Variants in GSE1 observed in about 807,000 individuals in gnomAD.
GSE1 encodes Gse1 coiled-coil protein.
In GSE1, 32 loss-of-function variants were observed where a neutral mutation model predicts 112.6. That is an observed-to-expected ratio of 0.28 (90% CI 0.21 to 0.38). The LOEUF (loss-of-function observed/expected upper bound fraction) is 0.38. Ranked by LOEUF, GSE1 falls within the 10% of genes least tolerant of loss-of-function variation. The pLI, the probability that GSE1 is intolerant of heterozygous loss-of-function variation, is 1.00. For synonymous variants in GSE1, 1,115 were observed against 735.6 expected (o/e 1.52, Z -8.35); for missense variants, 2,348 against 1,699.2 (o/e 1.38, Z -6.71).
At chr16:85,426,485 G>C (rs1254318055) in intron 2 of GSE1, among the ~76,000 whole-genome samples, 1 of 134,138 alleles carries the variant, frequency 7.5e-6, no homozygotes, top group African/African-American at 2.9e-5. Flanking sequence ...AGGGAGGGTA[G>C]ATGTGTATAT....
intron 1 of GSE1, among the ~76,000 whole-genome samples, chr16:85,327,041 T>G (rs532094339): frequency 4.6e-5 from 7 of 152,346 alleles, no homozygotes; most frequent in Non-Finnish European, 7.4e-5. Context: ...GAGCATCTAC[T>G]TCCAAGACAG....
At chr16:85,622,908 C>A (rs1200425895) in intron 1 of GSE1, among the ~76,000 whole-genome samples, 2 of 152,152 alleles carry the variant, frequency 1.3e-5, no homozygotes. Flanking sequence ...GTTGCTCAGA[C>A]CTGCATGTAC....
chr16:85,521,301 C>T (rs1196933183), intron 2 of GSE1, among the ~76,000 whole-genome samples: 2 of 152,178 alleles, frequency 1.3e-5, no homozygotes, highest in East Asian at 3.9e-4. Context: ...TGTACTTAAA[C>T]CTCACCTCGC....
intron 1 of GSE1, among the ~76,000 whole-genome samples, chr16:85,633,437 G>T (rs1195387956): frequency 6.6e-6 from 1 of 152,252 alleles, no homozygotes; most frequent in East Asian, 1.9e-4. Context: ...CTGGCATCGT[G>T]TGCTTGTCGC....
intron 1 of GSE1, among the ~76,000 whole-genome samples, chr16:85,308,589 A>G (rs1290092092): frequency 1.3e-5 from 2 of 152,080 alleles, no homozygotes; most frequent in East Asian, 1.9e-4. Flanking sequence ...CTTCTCATCT[A>G]TTTATTAAAA....
At chr16:85,250,459 G>A (rs8060007) in intron 1 of GSE1, among the ~76,000 whole-genome samples, 16,648 of 152,088 alleles carry the variant, frequency 0.11, 1,042 homozygotes, top group South Asian at 0.18. Flanking sequence ...GGGCGGAGGC[G>A]CCAGGGCCAG....
chr16:85,266,795 T>C (rs1908291431), intron 1 of GSE1, among the ~76,000 whole-genome samples: 1 of 152,146 alleles, frequency 6.6e-6, no homozygotes, highest in Admixed American at 6.5e-5. Context: ...TTGCAGGTAC[T>C]GATCTTATGT....
At chr16:85,172,389 T>TA (rs1461909627) in intron 1 of GSE1, among the ~76,000 whole-genome samples, 6 of 152,208 alleles carry the variant, frequency 3.9e-5, no homozygotes, top group African/African-American at 1.4e-4. Flanking sequence ...GACAGTGGCC[T>TA]AAACAGACTT....
chr16:85,501,955 G>A (rs1322541550), intron 2 of GSE1, among the ~76,000 whole-genome samples: 1 of 152,236 alleles, frequency 6.6e-6, no homozygotes, highest in Admixed American at 6.5e-5. Flanking sequence ...ATTTTGTTGG[G>A]GGGCAGGGTT....
intron 3 of GSE1, among the ~76,000 whole-genome samples, chr16:85,653,895 C>T (rs918877111): frequency 1.3e-5 from 2 of 152,166 alleles, no homozygotes; most frequent in Non-Finnish European, 2.9e-5. Flanking sequence ...TGTCTGCTTC[C>T]CCGGGTGTGT....
chr16:85,608,744 T>C (rs1277314685), upstream of GSE1, among the ~76,000 whole-genome samples: 1 of 152,242 alleles, frequency 6.6e-6, no homozygotes, highest in East Asian at 1.9e-4. Context: ...TCCAGTGACA[T>C]GCGCTGAGCA....
intron 1 of GSE1, among the ~76,000 whole-genome samples, chr16:85,576,708 A>T (rs2046241861): frequency 6.6e-6 from 1 of 152,150 alleles, no homozygotes; most frequent in Non-Finnish European, 1.5e-5. Context: ...TTTCTTTCCC[A>T]AGTGTCCAGG....
Position 85,279,259 on chromosome 16 carries a change from A to T in GSE1, c.2284-78204A>T, listed in dbSNP as rs141187730. On this transcript the variant is annotated intron_variant, in intron 1 of 2. Coordinates refer to the GSE1 transcript ENST00000637419. ...TTTTCCTGTGTACTCTACGGGTTCT[A>T]TTCTCAGTCCTGAAATACCTTCTAC... 6.1e-3 allele frequency among the ~76,000 whole-genome samples: 936 copies of T among 152,302 alleles called. 9 individuals carry two copies. The highest frequency in any genetic ancestry group is 0.022 in the African/African-American group (904 of 41,546).
In GSE1 at chr16:85,311,749, G is replaced by C. The variant is rs1459824634; in HGVS notation, c.2284-45714G>C. Among the ~76,000 whole-genome samples, 3 of 152,056 alleles carry C rather than the reference G, an allele frequency of 2.0e-5. No individual in the cohort carries two copies. The highest frequency in any genetic ancestry group is 4.4e-5 in the Non-Finnish European group (3 of 67,980). On this transcript the variant is annotated intron_variant, in intron 1 of 2. Coordinates refer to the GSE1 transcript ENST00000637419. This position sits in a 1 kb window ranked among gnomAD's most constrained non-coding sequence, Gnocchi z 4.2. ...TGTCTTAGGACCTGAGGTGGTGCAG[G>C]CTCTCCAGGGACATCTGTCCCACCT...
chr16:85,526,939 A>G (rs777315955), intron 2 of GSE1, among the ~76,000 whole-genome samples: 1 of 152,358 alleles, frequency 6.6e-6, no homozygotes, highest in South Asian at 2.1e-4. Flanking sequence ...GAGTTCATCT[A>G]TTTAATTAAG....
chr16:85,233,209 G>A (rs1037712393), intron 1 of GSE1, among the ~76,000 whole-genome samples: 4 of 152,276 alleles, frequency 2.6e-5, no homozygotes, highest in African/African-American at 9.6e-5. Flanking sequence ...GCAAAGGCGA[G>A]GTGTCTACCC....
upstream of GSE1, among the ~76,000 whole-genome samples, chr16:85,551,777 G>A (rs549316357): frequency 6.6e-6 from 1 of 152,232 alleles, no homozygotes; most frequent in African/African-American, 2.4e-5. Flanking sequence ...TCTCCTTCCC[G>A]AGGATGTGGC....
intron 2 of GSE1, among the ~76,000 whole-genome samples, chr16:85,448,652 C>T (rs1567495205): frequency 6.6e-6 from 1 of 152,222 alleles, no homozygotes; most frequent in Non-Finnish European, 1.5e-5. Context: ...CTTCCTCCCT[C>T]CATCTGCCAA....
At chr16:85,322,048 C>T (rs1363689713) in intron 1 of GSE1, among the ~76,000 whole-genome samples, 2 of 152,220 alleles carry the variant, frequency 1.3e-5, no homozygotes, top group African/African-American at 2.4e-5. Flanking sequence ...TAGGGGCTGG[C>T]GTGGAGCCTG....
Sources: gnomAD v4.1 joint callset for allele counts (sites outside exome capture counted in the v4.1 genomes callset) on GRCh38, gnomAD v4.1.1 for gene constraint, Gnocchi (gnomAD v3.1) non-coding constraint, MANE v1.5 for transcripts, NCBI Gene and HGNC (gene_info 2026-07-23, HGNC 2026-07-21) for gene names.